The following NABP2 variants were observed in gnomAD, a reference collection of about 807,000 sequenced individuals.
NABP2 encodes the protein SOSS complex subunit B1.
A neutral mutation model predicts 22.7 loss-of-function variants in NABP2; 7 were observed. The ratio of observed to expected loss-of-function variants is 0.31; its 90% CI spans 0.18 to 0.58. The LOEUF (loss-of-function observed/expected upper bound fraction) is 0.58. Ranked by LOEUF, NABP2 falls within the 20% of genes least tolerant of loss-of-function variation. The pLI is 0.89. For synonymous variants in NABP2, 107 were observed against 99.2 expected (o/e 1.08, Z -0.47); for missense variants, 188 against 265.9 (o/e 0.71, Z 2.04).
chr12:56,224,593 T>A, intron 1 of NABP2, 152 bp downstream of exon 1: 1 of 1,232,886 alleles, frequency 8.1e-7, no homozygotes, highest in Non-Finnish European at 1.0e-6. Flanking sequence ...ACTTCGCGGC[T>A]TGAGACTAAA....
At chr12:56,228,969 T>G (rs1157281488) in intron 6 of NABP2, 45 bp from the exon 7 acceptor site, 2 of 1,556,876 alleles carry the variant, frequency 1.3e-6, no homozygotes, top group East Asian at 4.7e-5. Flanking sequence ...TGGACCCCTC[T>G]CCTATGTTAA....
intron 2 of NABP2, 145 bp downstream of exon 2, chr12:56,225,080 G>A: frequency 1.4e-6 from 1 of 705,280 alleles, no homozygotes; most frequent in South Asian, 1.7e-5. Context: ...CCCTGGGACA[G>A]AAAGTTGCAG....
upstream of NABP2, among the ~76,000 whole-genome samples, chr12:56,222,789 TACAC>T (rs1365595631): frequency 6.6e-6 from 1 of 152,240 alleles, no homozygotes; most frequent in Non-Finnish European, 1.5e-5. Flanking sequence ...TGCACATTAA[TACAC>T]ACATACACAC....
At chr12:56,224,286 C>T (rs1869651500), upstream of NABP2, 8 of 977,332 alleles carry the variant, frequency 8.2e-6, no homozygotes, top group African/African-American at 1.7e-5. Context: ...AGGGCGCGCC[C>T]GGGCGGTGCT....
At position 56,229,087 on chromosome 12, in the gene NABP2, T is replaced by TTGCCGAACCC; in HGVS notation, c.510_511insTGCCGAACCC (p.Pro171CysfsTer33). The TTGCCGAACCC allele has an allele frequency of 6.6e-7, 1 of 1,512,346 alleles. No homozygotes were observed. Among genetic ancestry groups the TTGCCGAACCC allele is most frequent in the Non-Finnish European group, 9.1e-7 (1 of 1,102,014 alleles). The allele number at this position is 1,512,346 out of a possible 1,614,324, so 93.7% of individuals were successfully genotyped here. On this transcript the variant is annotated frameshift_variant, in exon 7 of 7. Coordinates refer to ENST00000267023, the MANE Select transcript of NABP2 (RefSeq NM_024068.4). LOFTEE classifies it high-confidence loss of function. The stretch of plus-strand genomic sequence containing the variant: ...GTGGTGGCCCACATCCCCCTCATAC[T>TTGCCGAACCC]CCCTCCCACCCACCCAGCACCCGAA...
In NABP2 at chr12:56,224,677, T is replaced by A. The variant is rs1869675994; in HGVS notation, c.-23-157T>A. On this transcript the variant is annotated intron_variant, in intron 1 of 6. Transcript: ENST00000267023. ...GACCCCCAAATTCTGATCCTGAAGT[T>A]GGAGGCCTCCGGGGATGTTCTTTTT... 2.9e-5 allele frequency: 26 copies of A among 899,452 alleles called. No homozygotes were observed. In the South Asian group the frequency reaches 5.3e-4, roughly 18 times the overall value. The allele number at this position is 899,452 out of a possible 1,614,324, so 55.7% of individuals were successfully genotyped here. A position where few individuals can be genotyped will look rare whatever the true frequency, so the allele number is the denominator to read the frequency against.
intron 4 of NABP2, 89 bp from the exon 5 acceptor site, chr12:56,226,090 C>T: frequency 1.7e-6 from 2 of 1,170,950 alleles, no homozygotes; most frequent in South Asian, 2.5e-5. Flanking sequence ...GTGTGAGTGA[C>T]CACACCGAAC....
chr12:56,223,435 A>T (rs1458550114), upstream of NABP2: 1 of 151,990 alleles, frequency 6.6e-6, no homozygotes, highest in Non-Finnish European at 1.5e-5. Flanking sequence ...GGTAGTGCGA[A>T]CCTGTAGTAC....
upstream of NABP2, chr12:56,222,325 C>T (rs1268625769): frequency 6.6e-6 from 1 of 152,200 alleles, no homozygotes; most frequent in East Asian, 1.9e-4. Flanking sequence ...CATCCCAGAG[C>T]TTCGTAACCC....
intron 1 of NABP2, 147 bp from the exon 2 acceptor site, chr12:56,224,687 C>T (rs1279426466): frequency 1.3e-5 from 12 of 888,904 alleles, no homozygotes; most frequent in Non-Finnish European, 2.0e-5. Context: ...TGGAGGCCTC[C>T]GGGGATGTTC....
chr12:56,222,394 G>C (rs1869530745), upstream of NABP2, among the ~76,000 whole-genome samples: 1 of 152,202 alleles, frequency 6.6e-6, no homozygotes, highest in African/African-American at 2.4e-5. Flanking sequence ...GGGGTGGGGA[G>C]TGAGGGAGTC....
At chr12:56,225,260 CCT>C (rs1447562874) in intron 2 of NABP2, 111 bp from the exon 3 acceptor site, 27 of 1,438,098 alleles carry the variant, frequency 1.9e-5, no homozygotes, top group Admixed American at 3.4e-5. Flanking sequence ...TGGGCTTTCC[CCT>C]GTTTGTACAC....
chr12:56,225,506 C>A lies in NABP2; in HGVS notation c.213C>A (p.Thr71=). ...LIQPGDIIRL[T]KGYASVFKGC... ...AGCCTGGGGACATTATCCGGCTCACCAAAGGGTAAGTCAGCTGGTGACTTC... is the reference window on the plus strand; with the variant it reads ...AGCCTGGGGACATTATCCGGCTCACAAAAGGGTAAGTCAGCTGGTGACTTC... The change falls in exon 3 of 7, where the codon ACC becomes ACA. Residue 71 remains threonine (T), a synonymous_variant. Coordinates refer to ENST00000267023, the MANE Select transcript of NABP2 (RefSeq NM_024068.4). The A allele has an allele frequency of 6.2e-7, 1 of 1,614,198 alleles. No individual in the cohort carries two copies. The highest frequency in any genetic ancestry group is 8.5e-7 in the Non-Finnish European group (1 of 1,180,046).
chr12:56,226,144 G>C (rs369927845), intron 4 of NABP2, 35 bp from the exon 5 acceptor site: 90 of 1,602,224 alleles, frequency 5.6e-5, no homozygotes, highest in Non-Finnish European at 6.9e-5. Context: ...CCCAGAGGAT[G>C]AATTCAAGGC....
rs10676452 is a variant in NABP2 at position 56,226,732 on chromosome 12, A to ATTTTTTTT, written c.436+319_436+326dup. On this transcript the variant is annotated intron_variant, in intron 6 of 6. Coordinates refer to ENST00000267023, the MANE Select transcript of NABP2 (RefSeq NM_024068.4). ...AGGCACCTGCCACCATGCCCGGCTAATTTTTTTTTTTTTGAGATGGAGTCT... is the reference window on the plus strand; with the variant it reads ...AGGCACCTGCCACCATGCCCGGCTAATTTTTTTTTTTTTTTTTTTTTGAGATGGAGTCT... Among the ~76,000 whole-genome samples the ATTTTTTTT allele has an allele frequency of 1.1e-4, 7 of 64,626 alleles. 1 individual carries two copies. The highest frequency in any genetic ancestry group is 2.3e-4 in the Admixed American group (1 of 4,300). 42.4% of individuals were successfully genotyped at this position (64,626 alleles called of 152,430 possible). A position where few individuals can be genotyped will look rare whatever the true frequency, so the allele number is the denominator to read the frequency against.
At chr12:56,227,457 C>G (rs1390297304) in intron 6 of NABP2, among the ~76,000 whole-genome samples, 1 of 152,088 alleles carries the variant, frequency 6.6e-6, no homozygotes, top group African/African-American at 2.4e-5. Flanking sequence ...AGAAGCAAAC[C>G]TCTGCCTTCA....
intron 6 of NABP2, among the ~76,000 whole-genome samples, 187 bp from the exon 7 acceptor site, chr12:56,228,827 G>T (rs1403467361): frequency 6.6e-6 from 1 of 152,216 alleles, no homozygotes; most frequent in Non-Finnish European, 1.5e-5. Flanking sequence ...AAATGATCGT[G>T]TAAGTCTTCT....
rs2135840964 is a variant in NABP2, at chr12:56,229,529, G to A, written c.*316G>A. The A allele has an allele frequency of 3.0e-6, 1 of 331,242 alleles. No homozygotes were observed. Among genetic ancestry groups the A allele is most frequent in the East Asian group, 7.6e-5 (1 of 13,122 alleles). The allele number at this position is 331,242 out of a possible 1,614,324, so 20.5% of individuals were successfully genotyped here. A position where few individuals can be genotyped will look rare whatever the true frequency, so the allele number is the denominator to read the frequency against. ...GTGGGCGGATCACCTGAGGTCGGGA[G>A]TTCAAGACCAGCCTGACCAACATGG... is the stretch of plus-strand genomic sequence containing the variant. On this transcript the variant is annotated 3_prime_UTR_variant, in exon 7 of 7. Coordinates refer to ENST00000267023, the MANE Select transcript of NABP2 (RefSeq NM_024068.4).
chr12:56,224,664 C>A, intron 1 of NABP2, 170 bp from the exon 2 acceptor site: 1 of 969,042 alleles, frequency 1.0e-6, no homozygotes, highest in Non-Finnish European at 1.5e-6. Context: ...CCCCCAAATT[C>A]TGATCCTGAA....
Sources: gnomAD v4.1 joint callset for allele counts (sites outside exome capture counted in the v4.1 genomes callset) on GRCh38, gnomAD v4.1.1 for gene constraint, MANE v1.5 for transcripts, NCBI Gene and HGNC (gene_info 2026-07-23, HGNC 2026-07-21) for gene names.